CACNB2: variants seen among roughly 807,000 people sequenced by gnomAD.
CACNB2 encodes calcium voltage-gated channel auxiliary subunit beta 2.
Under a neutral mutation model 73.3 loss-of-function variants are expected in CACNB2, and 42 were observed. The observed-to-expected ratio is 0.57, with a 90% confidence interval of 0.45 to 0.74. CACNB2 has a LOEUF of 0.74. Ranked by LOEUF, CACNB2 falls within the 30% of genes least tolerant of loss-of-function variation. The pLI, the probability that CACNB2 is intolerant of heterozygous loss-of-function variation, is 0.00. For synonymous variants in CACNB2, 348 were observed against 310.3 expected, an observed-to-expected ratio of 1.12 and a Z score of -1.28; for missense variants, 940 against 853.0, an observed-to-expected ratio of 1.10 and a Z score of -1.27.
intron 10 of CACNB2, among the ~76,000 whole-genome samples, chr10:18,528,250 T>C (rs2052669091): frequency 6.6e-6 from 1 of 152,230 alleles, no homozygotes; most frequent in Admixed American, 6.5e-5. Context: ...TTGATAGATA[T>C]CAATATGTTT....
chr10:18,255,868 T>C (rs1162622454), intron 2 of CACNB2, among the ~76,000 whole-genome samples: 1 of 152,216 alleles, frequency 6.6e-6, no homozygotes, highest in Non-Finnish European at 1.5e-5. Context: ...TCAGTTCTGC[T>C]ACAGAAGGCT....
chr10:18,400,458 A>G (rs2043933827), intron 2 of CACNB2: 1 of 427,070 alleles, frequency 2.3e-6, no homozygotes, highest in Non-Finnish European at 3.1e-6. Context: ...TCGGATGTAA[A>G]ATGGCAATTT....
Position 18,527,473 on chromosome 10 carries a change from TG to T in CACNB2, c.945-114del, listed in dbSNP as rs1361170675. The T allele has an allele frequency of 6.7e-6, 5 of 743,502 alleles. No individual in the cohort carries two copies. In the African/African-American group the frequency reaches 8.6e-5, roughly 13 times the overall value. The allele number at this position is 743,502 out of a possible 1,614,324, so 46.1% of individuals were successfully genotyped here. ...AGTAAGTATCCTAACACATATGGTT[TG>T]AAAATATGGTTGCTATATATATTTC... On this transcript the variant is annotated intron_variant, in intron 9 of 13. Coordinates refer to ENST00000324631, the MANE Select transcript of CACNB2 (RefSeq NM_201596.3).
At chr10:18,181,271 C>T (rs2033864727) in intron 2 of CACNB2, among the ~76,000 whole-genome samples, 1 of 152,090 alleles carries the variant, frequency 6.6e-6, no homozygotes, top group African/African-American at 2.4e-5. Context: ...AAAGCTAGTC[C>T]ACCCTCACAC....
At chr10:18,154,292 T>TGAA (rs1564299927) in intron 2 of CACNB2, among the ~76,000 whole-genome samples, 1 of 137,538 alleles carries the variant, frequency 7.3e-6, no homozygotes. Context: ...TTAAGAACTT[T>TGAA]AAAAAAAAAA....
intron 9 of CACNB2, among the ~76,000 whole-genome samples, chr10:18,521,023 G>A (rs1481567427): frequency 6.6e-6 from 1 of 152,184 alleles, no homozygotes; most frequent in Non-Finnish European, 1.5e-5. Flanking sequence ...TGTATTCTCA[G>A]TGCCTGGAGC....
At chr10:18,198,918 A>G (rs147558947) in intron 2 of CACNB2, among the ~76,000 whole-genome samples, 1 of 152,310 alleles carries the variant, frequency 6.6e-6, no homozygotes, top group Admixed American at 6.5e-5. Context: ...TCACTCATTA[A>G]TATAGCATGG....
At chr10:18,191,240 C>G (rs975688207) in intron 2 of CACNB2, among the ~76,000 whole-genome samples, 1 of 152,332 alleles carries the variant, frequency 6.6e-6, no homozygotes, top group Admixed American at 6.5e-5. Flanking sequence ...GTAGCCATTC[C>G]TATCTATATT....
intron 2 of CACNB2, among the ~76,000 whole-genome samples, chr10:18,278,193 G>A (rs2038380832): frequency 6.6e-6 from 1 of 152,170 alleles, no homozygotes; most frequent in Admixed American, 6.5e-5. Context: ...ATGACTTGAT[G>A]TGGTGGCTGG....
intron 2 of CACNB2, among the ~76,000 whole-genome samples, chr10:18,279,909 G>A (rs1054353016): frequency 1.8e-4 from 27 of 152,206 alleles, no homozygotes; most frequent in African/African-American, 5.3e-4. Context: ...ACAAAAGTCC[G>A]TCTCTACCAA....
At chr10:18,429,738 G>T (rs1297496869) in intron 3 of CACNB2, among the ~76,000 whole-genome samples, 1 of 150,460 alleles carries the variant, frequency 6.6e-6, no homozygotes, top group African/African-American at 2.5e-5. Context: ...AGGAAGCTGG[G>T]GTGGGAGGAT....
At chr10:18,436,604 A>G (rs2046149092) in intron 3 of CACNB2, among the ~76,000 whole-genome samples, 1 of 152,228 alleles carries the variant, frequency 6.6e-6, no homozygotes, top group African/African-American at 2.4e-5. Context: ...TGTTGCTTGC[A>G]AAGCATATTT....
intron 2 of CACNB2, among the ~76,000 whole-genome samples, chr10:18,329,631 G>T (rs1372737625): frequency 1.3e-5 from 2 of 151,984 alleles, no homozygotes; most frequent in African/African-American, 4.8e-5. Flanking sequence ...TAGAAAGTTG[G>T]ATTAATCTCA....
At chr10:18,442,970 G>A (rs11014244) in intron 3 of CACNB2, among the ~76,000 whole-genome samples, 5,517 of 20,770 alleles carry the variant, frequency 0.27, 996 homozygotes, top group East Asian at 0.45. Context: ...ATATATATAT[G>A]TGTATATATA....
At chr10:18,242,828 CAA>C (rs10556493) in intron 2 of CACNB2, among the ~76,000 whole-genome samples, 111,678 of 143,456 alleles carry the variant, frequency 0.78, 43,168 homozygotes, top group Admixed American at 0.82. Flanking sequence ...ACTAAAAATG[CAA>C]AAAAAAAAAA....
intron 3 of CACNB2, among the ~76,000 whole-genome samples, chr10:18,485,978 A>G (rs542983499): frequency 6.6e-6 from 1 of 151,402 alleles, no homozygotes; most frequent in African/African-American, 2.4e-5. Context: ...TTTAAGACAA[A>G]TCCATTATAG....
intron 2 of CACNB2, among the ~76,000 whole-genome samples, chr10:18,164,097 A>T (rs1189845257): frequency 1.3e-5 from 2 of 152,240 alleles, no homozygotes; most frequent in Admixed American, 1.3e-4. Flanking sequence ...TTGCAGTTTT[A>T]AAAAGATCTT....
chr10:18,488,399 T>C (rs1000527469), intron 3 of CACNB2, among the ~76,000 whole-genome samples: 5 of 133,566 alleles, frequency 3.7e-5, no homozygotes, highest in African/African-American at 8.7e-5. Context: ...GACGTGAACC[T>C]GGAAGGCGGA....
intron 2 of CACNB2, among the ~76,000 whole-genome samples, chr10:18,209,438 G>A (rs1374600810): frequency 6.6e-6 from 1 of 152,148 alleles, no homozygotes; most frequent in East Asian, 1.9e-4. Context: ...GTAAGGATGT[G>A]CTTTTCCAGA....
Sources: allele counts gnomAD v4.1 joint callset (sites outside exome capture counted in the v4.1 genomes callset), GRCh38; gene constraint gnomAD v4.1.1; transcripts MANE v1.5; gene names NCBI Gene and HGNC (gene_info 2026-07-23, HGNC 2026-07-21).